MCTP1: variants seen among roughly 807,000 people sequenced by gnomAD.
The protein encoded by MCTP1 is multiple C2 and transmembrane domain-containing protein 1.
MCTP1 carries 69 observed loss-of-function variants against 120.6 expected under a neutral mutation model. The observed-to-expected ratio is 0.57, with a 90% CI of 0.47 to 0.70. The LOEUF (loss-of-function observed/expected upper bound fraction) is 0.70. MCTP1 is among the 30% of genes least tolerant of loss of function. MCTP1 has a pLI of 0.00. For missense variants in MCTP1, 1,203 were observed against 1,248.8 expected, an observed-to-expected ratio of 0.96 and a Z score of 0.55; for synonymous variants, 529 against 493.1, an observed-to-expected ratio of 1.07 and a Z score of -0.96.
chr5:94,939,387 A>C (rs1432557562), intron 5 of MCTP1, among the ~76,000 whole-genome samples: 1 of 152,026 alleles, frequency 6.6e-6, no homozygotes, highest in Non-Finnish European at 1.5e-5. Flanking sequence ...GGCACATGGA[A>C]GCACATTGAG....
intron 5 of MCTP1, among the ~76,000 whole-genome samples, chr5:94,933,361 G>A (rs969094083): frequency 1.3e-5 from 2 of 151,652 alleles, no homozygotes; most frequent in African/African-American, 4.8e-5. Flanking sequence ...TACTTTTGAT[G>A]TTACATGATT....
chr5:95,256,889 A>G (rs1757951355), intron 1 of MCTP1, among the ~76,000 whole-genome samples: 1 of 152,334 alleles, frequency 6.6e-6, no homozygotes, highest in South Asian at 2.1e-4. Context: ...AACTTTAATG[A>G]CACTGTCTTG....
At chr5:94,966,929 G>A (rs1382214133) in intron 2 of MCTP1, among the ~76,000 whole-genome samples, 1 of 152,110 alleles carries the variant, frequency 6.6e-6, no homozygotes, top group African/African-American at 2.4e-5. Flanking sequence ...TTGTTACAAT[G>A]ATCTATTTCT....
chr5:95,069,598 A>G (rs1436986748), intron 1 of MCTP1, among the ~76,000 whole-genome samples: 4 of 152,176 alleles, frequency 2.6e-5, no homozygotes, highest in African/African-American at 9.6e-5. Flanking sequence ...TAACGAAGGC[A>G]CCCGTTCTCA....
At chr5:95,031,867 TC>T (rs1302765124) in intron 1 of MCTP1, among the ~76,000 whole-genome samples, 1 of 152,020 alleles carries the variant, frequency 6.6e-6, no homozygotes, top group African/African-American at 2.4e-5. Flanking sequence ...TGGAATGACA[TC>T]CGCAGGCTCA....
chr5:94,824,659 T>C (rs1158890918), intron 17 of MCTP1, among the ~76,000 whole-genome samples: 3 of 152,166 alleles, frequency 2.0e-5, no homozygotes, highest in Non-Finnish European at 4.4e-5. Flanking sequence ...TGTGAATCCA[T>C]CTGGTCATGG....
chr5:94,818,336 A>T (rs985862570), intron 17 of MCTP1, among the ~76,000 whole-genome samples: 2 of 152,176 alleles, frequency 1.3e-5, no homozygotes, highest in African/African-American at 4.8e-5. Flanking sequence ...ATTTTGAAAA[A>T]TTTTAAATTC....
chr5:95,215,287 C>T (rs1432320123), intron 1 of MCTP1, among the ~76,000 whole-genome samples: 1 of 152,126 alleles, frequency 6.6e-6, no homozygotes, highest in Non-Finnish European at 1.5e-5. Flanking sequence ...TCTGTTAAAA[C>T]ATGATATAAA....
chr5:94,755,487 C>A lies in MCTP1; in HGVS notation c.2610+23623G>T, dbSNP rs568477303. Among the ~76,000 whole-genome samples the A allele has an allele frequency of 2.6e-5, 4 of 152,314 alleles. No homozygotes were observed. In the East Asian group the frequency reaches 7.7e-4, roughly 29 times the overall value. On this transcript the variant is annotated intron_variant, in intron 19 of 22. Transcript: ENST00000515393. ...CCAGCTGCCTCTCATTTGCCTTCTG[C>A]GTTCTGCTCTCACCACACTAGGGAA... is the stretch of plus-strand genomic sequence containing the variant.
chr5:94,730,313 C>T (rs1762888543), intron 19 of MCTP1, among the ~76,000 whole-genome samples: 3 of 152,282 alleles, frequency 2.0e-5, no homozygotes, highest in South Asian at 4.1e-4. Flanking sequence ...GCACATGATA[C>T]TACACTCAGC....
intron 2 of MCTP1, among the ~76,000 whole-genome samples, chr5:94,961,990 G>T (rs1824350238): frequency 1.3e-5 from 2 of 151,776 alleles, no homozygotes; most frequent in African/African-American, 4.8e-5. Flanking sequence ...CCGCTCTGTG[G>T]GTTGACAATT....
intron 19 of MCTP1, among the ~76,000 whole-genome samples, chr5:94,763,007 C>T (rs1009920731): frequency 1.3e-5 from 2 of 152,182 alleles, no homozygotes; most frequent in Non-Finnish European, 2.9e-5. Flanking sequence ...TCATCCACAA[C>T]ATTAAAATCT....
At chr5:95,229,207 TCTTA>T (rs1302516588) in intron 1 of MCTP1, among the ~76,000 whole-genome samples, 1 of 152,194 alleles carries the variant, frequency 6.6e-6, no homozygotes, top group Non-Finnish European at 1.5e-5. Flanking sequence ...GATCTGTGAT[TCTTA>T]CTAAGGAGTC....
At chr5:94,714,591 GGAAATTGACA>G (rs1325805724) in intron 20 of MCTP1, among the ~76,000 whole-genome samples, 176 bp downstream of exon 20, 5 of 152,118 alleles carry the variant, frequency 3.3e-5, no homozygotes, top group African/African-American at 1.2e-4. Context: ...ATTTCAGGAA[GGAAATTGACA>G]GAACTTTCAT....
chr5:95,220,346 T>TC (rs1438678606), intron 1 of MCTP1, among the ~76,000 whole-genome samples: 1 of 151,964 alleles, frequency 6.6e-6, no homozygotes, highest in East Asian at 1.9e-4. Flanking sequence ...TTTTTTTTTT[T>TC]TTTACAAAGA....
intron 1 of MCTP1, among the ~76,000 whole-genome samples, chr5:95,223,282 TC>T (rs1344544626): frequency 6.6e-6 from 1 of 151,816 alleles, no homozygotes; most frequent in African/African-American, 2.4e-5. Flanking sequence ...CAAAACCCCA[TC>T]TCTACAAAAA....
intron 2 of MCTP1, among the ~76,000 whole-genome samples, chr5:95,013,102 G>C (rs1004772478): frequency 2.6e-5 from 4 of 152,036 alleles, no homozygotes; most frequent in Non-Finnish European, 5.9e-5. Context: ...AGAGAAAGTG[G>C]GTGGTCTGGA....
intron 9 of MCTP1, among the ~76,000 whole-genome samples, chr5:94,910,861 AG>A (rs1808373471): frequency 6.6e-6 from 1 of 152,240 alleles, no homozygotes; most frequent in Non-Finnish European, 1.5e-5. Flanking sequence ...CACTGAATGA[AG>A]GCTATGATAA....
chr5:94,828,025 G>T (rs1167535207), intron 17 of MCTP1, among the ~76,000 whole-genome samples: 1 of 152,008 alleles, frequency 6.6e-6, no homozygotes, highest in South Asian at 2.1e-4. Flanking sequence ...TGATCCTTTG[G>T]AGGAGAAGAG....
Sources: gnomAD v4.1 joint callset for allele counts (sites outside exome capture counted in the v4.1 genomes callset) on GRCh38, gnomAD v4.1.1 for gene constraint, MANE v1.5 for transcripts, NCBI Gene and HGNC (gene_info 2026-07-23, HGNC 2026-07-21) for gene names.